Variants in FAM161A observed in about 807,000 individuals in gnomAD.
FAM161A encodes the protein protein FAM161A.
Under a neutral mutation model 70.9 loss-of-function variants are expected in FAM161A, and 57 were observed. The ratio of observed to expected loss-of-function variants is 0.80; its 90% confidence interval spans 0.65 to 1.00. The LOEUF (loss-of-function observed/expected upper bound fraction) is 1.00, where lower values mean the gene tolerates loss of function less well. Among genes scored for constraint, FAM161A ranks in the 50% least tolerant of loss-of-function variants. FAM161A has a pLI of 0.00. For synonymous variants in FAM161A, 299 were observed against 295.7 expected (o/e 1.01, Z -0.12); for missense variants, 880 against 836.0 (o/e 1.05, Z -0.65).
At chr2:61,830,179 G>C (rs145509398) in intron 5 of FAM161A, among the ~76,000 whole-genome samples, 72 of 152,248 alleles carry the variant, frequency 4.7e-4, no homozygotes, top group African/African-American at 1.7e-3. Context: ...AAAATGGTAA[G>C]GCGAAGGTAT....
chr2:61,826,299 T>C lies in FAM161A; in HGVS notation c.*156A>G. 1.3e-6 allele frequency: 1 copy of C among 779,042 alleles called. No homozygotes were observed. The highest frequency in any genetic ancestry group is 3.2e-4 in the Middle Eastern group (1 of 3,106). 48.3% of individuals were successfully genotyped at this position (779,042 alleles called of 1,614,324 possible). ...TTACTCTAACTGATCAAATGACCAA[T>C]CAGCTGGATTCAGGCTTTTCAGGCT... On this transcript the variant is annotated 3_prime_UTR_variant, in exon 7 of 7. Coordinates refer to ENST00000404929, the MANE Select transcript of FAM161A (RefSeq NM_001201543.2).
At chr2:61,834,623 C>T (rs745822901) in intron 5 of FAM161A, among the ~76,000 whole-genome samples, 3 of 151,922 alleles carry the variant, frequency 2.0e-5, no homozygotes, top group South Asian at 2.1e-4. Flanking sequence ...AAACCATGCC[C>T]GGCTAATTTT....
chr2:61,840,577 C>T lies in FAM161A; in HGVS notation c.427G>A (p.Val143Ile), dbSNP rs768762424. 5 of 1,596,204 alleles carry T rather than the reference C, an allele frequency of 3.1e-6. No individual in the cohort carries two copies. The highest frequency in any genetic ancestry group is 3.4e-6 in the Non-Finnish European group (4 of 1,163,860). ...GGGTGATAGGAGTTCTTTTCTGATACAGATCTAAATGAGAAGAATAACTAT... is the reference window on the plus strand; with the variant it reads ...GGGTGATAGGAGTTCTTTTCTGATATAGATCTAAATGAGAAGAATAACTAT... ...EDSLSDSSRS[V>I]SEKNSYHPVS... Residue 143 changes from valine (V) to isoleucine (I), a missense_variant, in exon 3 of 7, where the codon GTA becomes ATA. By Grantham distance (29) the Val-to-Ile change is conservative. Transcript: ENST00000404929.
chr2:61,827,141 T>TTCA lies in FAM161A; in HGVS notation c.1968_1969insTGA (p.Asn656_Asn657insTer), dbSNP rs770515598. The TTCA allele has an allele frequency of 2.1e-5, 34 of 1,613,914 alleles. No individual in the cohort carries two copies. The Admixed American group carries it at 4.7e-4, about 22-fold the overall frequency. On this transcript the variant is annotated stop_gained and inframe_insertion, in exon 6 of 7. Transcript: ENST00000404929. LOFTEE classifies it high-confidence loss of function. Reference sequence around the variant, plus strand: ...TCAGTGACACTTTTCGTCTCTTGATTGTTGAAGTACTCAAGTACTTTTCCA... The same window carrying TTCA: ...TCAGTGACACTTTTCGTCTCTTGATTTCAGTTGAAGTACTCAAGTACTTTTCCA...
chr2:61,802,379 G>A, the FAM161A span, among the ~76,000 whole-genome samples: 1 of 152,118 alleles, frequency 6.6e-6, no homozygotes, highest in Non-Finnish European at 1.5e-5. Context: ...AGAAATGGGT[G>A]TTAGTTATTA....
At chr2:61,811,438 A>G in the FAM161A span, among the ~76,000 whole-genome samples, 1 of 151,820 alleles carries the variant, frequency 6.6e-6, no homozygotes, top group South Asian at 2.1e-4. Context: ...CAGTGGTGCA[A>G]TCTCAGCTCA....
downstream of FAM161A, among the ~76,000 whole-genome samples, chr2:61,823,386 T>TATATA (rs1558470704): frequency 1.5e-5 from 2 of 135,190 alleles, no homozygotes; most frequent in Non-Finnish European, 3.2e-5. Context: ...TATATATATA[T>TATATA]TGAGTCAGGG....
rs78859636 is a variant in FAM161A at position 61,826,207 on chromosome 2, A to T, written c.*248T>A. 2.4e-6 allele frequency: 1 copy of T among 410,220 alleles called. No individual in the cohort carries two copies. 25.4% of individuals were successfully genotyped at this position (410,220 alleles called of 1,614,324 possible). Reference sequence around the variant, plus strand: ...GTGACAGCTGTGGTTCTCACTTTTTAAAAATACAAAATCATAGTTGCAAAC... The same window carrying T: ...GTGACAGCTGTGGTTCTCACTTTTTTAAAATACAAAATCATAGTTGCAAAC... On this transcript the variant is annotated 3_prime_UTR_variant, in exon 7 of 7. Transcript: ENST00000404929.
At chr2:61,853,262 C>T (rs1293798948) in intron 1 of FAM161A, among the ~76,000 whole-genome samples, 3 of 152,156 alleles carry the variant, frequency 2.0e-5, no homozygotes, top group Non-Finnish European at 4.4e-5. Context: ...TGCCCTCTAC[C>T]TGCTGGACTG....
the FAM161A span, chr2:61,803,104 T>A: frequency 7.3e-6 from 3 of 409,630 alleles, no homozygotes; most frequent in Non-Finnish European, 1.4e-5. Flanking sequence ...ACAGTAACTA[T>A]CCTAACTAGA....
At chr2:61,813,992 C>T in the FAM161A span, among the ~76,000 whole-genome samples, 3 of 152,056 alleles carry the variant, frequency 2.0e-5, no homozygotes, top group African/African-American at 7.2e-5. Flanking sequence ...TATGAGGTGC[C>T]AGGCAGTCAG....
intron 1 of FAM161A, chr2:61,847,124 TGCACTCTA>T (rs1399485000): frequency 1.3e-5 from 4 of 310,398 alleles, no homozygotes; most frequent in African/African-American, 9.0e-5. Context: ...ATCGCACCAC[TGCACTCTA>T]GCCTGGGTGA....
At chr2:61,835,552 T>C (rs2105072933) in intron 5 of FAM161A, 1 of 153,548 alleles carries the variant, frequency 6.5e-6, no homozygotes, top group Admixed American at 6.5e-5. Flanking sequence ...CTCCAAGTGA[T>C]ATCATGAAGC....
chr2:61,823,522 C>T (rs1478409012), downstream of FAM161A, among the ~76,000 whole-genome samples: 6 of 151,442 alleles, frequency 4.0e-5, no homozygotes, highest in African/African-American at 1.5e-4. Flanking sequence ...CATGACACCC[C>T]GCCTGGCTAA....
In FAM161A at chr2:61,839,957, T is replaced by G. The variant is rs1385808605; in HGVS notation, c.1047A>C (p.Lys349Asn). Residue 349 changes from lysine to asparagine, a missense_variant, in exon 3 of 7, where the codon AAA becomes AAC. By Grantham distance (94) the Lys-to-Asn change is moderately conservative (BLOSUM62 0). Coordinates refer to ENST00000404929, the MANE Select transcript of FAM161A (RefSeq NM_001201543.2). ...TGGCTTTAAATCGATTTGTTTTCTT[T>G]TTATACTTAAGAAAGTCTCTCAGCT... is the stretch of plus-strand genomic sequence containing the variant. ...EKQLRDFLKY[K>N]KKTNRFKARP... 1.9e-6 allele frequency: 3 copies of G among 1,614,094 alleles called. No individual in the cohort carries two copies. The highest frequency in any genetic ancestry group is 2.5e-6 in the Non-Finnish European group (3 of 1,180,046).
intron 1 of FAM161A, among the ~76,000 whole-genome samples, chr2:61,842,887 C>T (rs190255588): frequency 5.9e-5 from 9 of 152,180 alleles, no homozygotes; most frequent in Admixed American, 4.6e-4. Flanking sequence ...TATCAAGGAG[C>T]CAGGGAGAAG....
At chr2:61,810,302 A>G in the FAM161A span, among the ~76,000 whole-genome samples, 130 of 152,166 alleles carry the variant, frequency 8.5e-4, no homozygotes, top group Non-Finnish European at 1.6e-3. Context: ...TTAAAGCTAA[A>G]TCCTGCTGGA....
chr2:61,840,192 T>C lies in FAM161A; in HGVS notation c.812A>G (p.Lys271Arg), dbSNP rs914743509. The change falls in exon 3 of 7, where the codon AAA (lysine) becomes AGA (arginine). Residue 271 changes from lysine (K) to arginine (R), a missense_variant. By Grantham distance (26) the Lys-to-Arg change is conservative (BLOSUM62 2). Coordinates refer to ENST00000404929, the MANE Select transcript of FAM161A (RefSeq NM_001201543.2). ...DIEMVHKALK[K>R]QEEDPEYKKK... ...CTTATACTCTGGATCCTCTTCTTGT[T>C]TTTTGAGCGCTTTATGTACCATTTC... 1.2e-6 allele frequency: 2 copies of C among 1,614,108 alleles called. No homozygotes were observed. The highest frequency in any genetic ancestry group is 1.7e-6 in the Non-Finnish European group (2 of 1,180,008).
At chr2:61,817,466 T>G in the FAM161A span, among the ~76,000 whole-genome samples, 1 of 152,158 alleles carries the variant, frequency 6.6e-6, no homozygotes, top group Non-Finnish European at 1.5e-5. Context: ...TTCAAAATTA[T>G]CAAGAAGATT....
Sources: gnomAD v4.1 joint callset for allele counts (sites outside exome capture counted in the v4.1 genomes callset) on GRCh38, gnomAD v4.1.1 for gene constraint, MANE v1.5 for transcripts, NCBI Gene and HGNC (gene_info 2026-07-23, HGNC 2026-07-21) for gene names.